Variants in ZNF236 observed in about 807,000 individuals in gnomAD.
ZNF236 encodes the protein regulated by glucose.
Under a neutral mutation model 191.2 loss-of-function variants are expected in ZNF236, and 50 were observed. The ratio of observed to expected loss-of-function variants is 0.26; its 90% CI spans 0.21 to 0.33. The LOEUF is 0.33. Ranked by LOEUF, ZNF236 falls within the 10% of genes least tolerant of loss-of-function variation. ZNF236 has a pLI of 1.00. For synonymous variants in ZNF236, 907 were observed against 928.8 expected (o/e 0.98, Z 0.43); for missense variants, 1,754 against 2,374.5 (o/e 0.74, Z 5.43).
At chr18:76,944,949 A>G (rs988630694) in intron 26 of ZNF236, among the ~76,000 whole-genome samples, 55 of 152,330 alleles carry the variant, frequency 3.6e-4, no homozygotes, top group African/African-American at 1.3e-3. Context: ...ACACTTACCC[A>G]GTTTTGCCCA....
chr18:76,939,542 C>T (rs1968079218), intron 26 of ZNF236, among the ~76,000 whole-genome samples: 1 of 152,150 alleles, frequency 6.6e-6, no homozygotes, highest in Admixed American at 6.5e-5. Context: ...GATGGGAGAG[C>T]ACTTTTCCTT....
chr18:76,847,620 C>T (rs747318172), intron 1 of ZNF236, among the ~76,000 whole-genome samples: 38 of 152,102 alleles, frequency 2.5e-4, no homozygotes, highest in Non-Finnish European at 4.6e-4. Flanking sequence ...CGCCCACCAC[C>T]ACGCCCGGCT....
At chr18:76,943,957 G>A (rs1968199650) in intron 26 of ZNF236, among the ~76,000 whole-genome samples, 1 of 152,224 alleles carries the variant, frequency 6.6e-6, no homozygotes, top group Admixed American at 6.5e-5. Context: ...GTACATGTGA[G>A]CAGTAAGTGA....
Position 76,880,727 on chromosome 18 carries a change from G to T in ZNF236, c.1188+411G>T, listed in dbSNP as rs79597982. ...TACTGCCTGGCCTTCTCTCGTGGGT[G>T]TGTGGGCAGCACCTGCACGTGTGGG... On this transcript the variant is annotated intron_variant, in intron 8 of 30. Transcript: ENST00000320610. This position sits in a 1 kb window ranked among gnomAD's most constrained non-coding sequence, Gnocchi z 5.0. 8.3e-3 allele frequency among the ~76,000 whole-genome samples: 1,258 copies of T among 152,288 alleles called. 6 individuals carry two copies. Among genetic ancestry groups the T allele is most frequent in the Non-Finnish European group, 0.015 (1,006 of 68,024 alleles).
intron 3 of ZNF236, among the ~76,000 whole-genome samples, chr18:76,856,422 A>T (rs1305089609): frequency 6.6e-6 from 1 of 152,050 alleles, no homozygotes; most frequent in Non-Finnish European, 1.5e-5. Flanking sequence ...ACCTCAGGTG[A>T]TCCACCCGCC....
chr18:76,857,765 A>G (rs1976087554), intron 3 of ZNF236, among the ~76,000 whole-genome samples: 1 of 151,986 alleles, frequency 6.6e-6, no homozygotes, highest in Admixed American at 6.6e-5. Context: ...AAATGTTTGT[A>G]TGTTCTTATT....
chr18:76,937,217 G>A lies in ZNF236; in HGVS notation c.4656G>A (p.Ser1552=), dbSNP rs752022677. The A allele has an allele frequency of 1.5e-5, 25 of 1,613,980 alleles. No individual in the cohort carries two copies. The highest frequency in any genetic ancestry group is 8.3e-5 in the Admixed American group (5 of 59,992). The change falls in exon 26 of 31, where the codon TCG becomes TCA. Residue 1552 remains serine, a synonymous_variant. Transcript: ENST00000320610. ...STTPMSPSAI[S]TQNLVMSSSG... is the part of the protein sequence containing the mutation. ...CACCGATGTCTCCATCGGCCATCTC[G>A]ACTCAGAACCTGGTCATGTCCTCGT...
chr18:76,930,956 G>T (rs1275877841), intron 25 of ZNF236: 1 of 152,118 alleles, frequency 6.6e-6, no homozygotes. Flanking sequence ...TCCATAAATT[G>T]TACTGAAATG....
At chr18:76,946,482 G>C (rs1447897125) in intron 26 of ZNF236, among the ~76,000 whole-genome samples, 2 of 152,190 alleles carry the variant, frequency 1.3e-5, no homozygotes, top group East Asian at 3.9e-4. Flanking sequence ...AGCTTGTGTA[G>C]TTCCCTAAAA....
At chr18:76,922,183 C>T (rs1021473245) in intron 20 of ZNF236, among the ~76,000 whole-genome samples, 1 of 152,112 alleles carries the variant, frequency 6.6e-6, no homozygotes, top group South Asian at 2.1e-4. Context: ...AGACCCCTCC[C>T]GACGAACACT....
At chr18:76,930,879 C>A (rs1967827277) in intron 25 of ZNF236, among the ~76,000 whole-genome samples, 1 of 152,152 alleles carries the variant, frequency 6.6e-6, no homozygotes, top group South Asian at 2.1e-4. Flanking sequence ...AAATACTTCA[C>A]AGCTTAAAAA....
chr18:76,937,446 TTCC>T, intron 26 of ZNF236, 103 bp downstream of exon 26: 1 of 1,160,522 alleles, frequency 8.6e-7, no homozygotes, highest in Non-Finnish European at 1.1e-6. Context: ...AGCATTTTTT[TTCC>T]CCAAAATCGA....
chr18:76,833,647 T>C (rs2122408905), intron 1 of ZNF236, among the ~76,000 whole-genome samples: 1 of 152,266 alleles, frequency 6.6e-6, no homozygotes, highest in East Asian at 1.9e-4. Flanking sequence ...ACTACAATTT[T>C]ATTTTTTTAT....
At chr18:76,886,877 C>CCGCAG (rs1391925307) in intron 9 of ZNF236, 2 of 187,024 alleles carry the variant, frequency 1.1e-5, no homozygotes, top group African/African-American at 4.8e-5. Context: ...GAGCTAGTCA[C>CCGCAG]CGCAGCGTCA....
At chr18:76,836,317 C>T (rs912420671) in intron 1 of ZNF236, among the ~76,000 whole-genome samples, 21 of 146,018 alleles carry the variant, frequency 1.4e-4, no homozygotes, top group East Asian at 1.3e-3. Flanking sequence ...AACCCCCGGG[C>T]GCAAGTGATT....
intron 1 of ZNF236, among the ~76,000 whole-genome samples, chr18:76,844,321 G>T (rs979884143): frequency 2.0e-5 from 3 of 152,072 alleles, no homozygotes; most frequent in Admixed American, 1.3e-4. Flanking sequence ...CCTGATGCCT[G>T]TCAGGTGTTC....
In ZNF236 at chr18:76,937,304, T is replaced by G; in HGVS notation, c.4743T>G (p.Ser1581=). 1 of 1,614,004 alleles carries G rather than the reference T, an allele frequency of 6.2e-7. No homozygotes were observed. The highest frequency in any genetic ancestry group is 1.1e-5 in the South Asian group (1 of 91,052). Residue 1581 remains serine (S), a synonymous_variant, in exon 26 of 31, where the codon TCT becomes TCG. Transcript: ENST00000320610. ...LTLADTQGML[S]GGLDTVTLNI... ...TGGCCGATACTCAGGGTATGCTATC[T>G]GGAGGCCTGGACACTGTCACACTCA...
chr18:76,946,720 C>T (rs2122914668), intron 26 of ZNF236, among the ~76,000 whole-genome samples: 1 of 152,370 alleles, frequency 6.6e-6, no homozygotes, highest in South Asian at 2.1e-4. Context: ...CTACCTTTCT[C>T]ATTCTCTCGT....
chr18:76,883,541 G>A (rs977310127), intron 9 of ZNF236, among the ~76,000 whole-genome samples: 9 of 151,678 alleles, frequency 5.9e-5, no homozygotes, highest in East Asian at 3.9e-4. Context: ...CTCCTCCCTC[G>A]ACCTCCTGAG....
Sources: allele counts gnomAD v4.1 joint callset (sites outside exome capture counted in the v4.1 genomes callset), GRCh38; gene constraint gnomAD v4.1.1; non-coding constraint Gnocchi (gnomAD v3.1); transcripts MANE v1.5; gene names NCBI Gene and HGNC (gene_info 2026-07-23, HGNC 2026-07-21).